Variants in KIF26B observed in about 807,000 individuals in gnomAD.
KIF26B encodes the protein kinesin-like protein KIF26B.
In KIF26B, 63 loss-of-function variants were observed where a neutral mutation model predicts 151.2. That is an observed-to-expected ratio of 0.42 (90% CI 0.34 to 0.51). The LOEUF is 0.51. Ranked by LOEUF, KIF26B falls within the 20% of genes least tolerant of loss-of-function variation. The pLI is 0.07. For missense variants in KIF26B, 2,813 were observed against 2,913.6 expected, an observed-to-expected ratio of 0.97 and a Z score of 0.79; for synonymous variants, 1,357 against 1,262.1, an observed-to-expected ratio of 1.08 and a Z score of -1.59.
chr1:245,603,239 A>T (rs2043416374), intron 6 of KIF26B, among the ~76,000 whole-genome samples: 1 of 152,150 alleles, frequency 6.6e-6, no homozygotes, highest in Admixed American at 6.5e-5. Flanking sequence ...CTGTAGCCCT[A>T]GTAAGGAACC....
intron 2 of KIF26B, among the ~76,000 whole-genome samples, chr1:245,303,012 AAGAAAG>A (rs1558381436): frequency 6.7e-6 from 1 of 149,208 alleles, no homozygotes; most frequent in Non-Finnish European, 1.5e-5. Context: ...AAAAAAAAAA[AAGAAAG>A]AAATGGCAAA....
At chr1:245,627,144 G>C (rs2043732430) in intron 9 of KIF26B, among the ~76,000 whole-genome samples, 1 of 152,128 alleles carries the variant, frequency 6.6e-6, no homozygotes, top group South Asian at 2.1e-4. Flanking sequence ...CTTCCTAGTA[G>C]TGTATTTTGA....
chr1:245,409,791 T>C (rs1437704081), intron 3 of KIF26B, among the ~76,000 whole-genome samples: 1 of 151,908 alleles, frequency 6.6e-6, no homozygotes, highest in East Asian at 1.9e-4. Context: ...GTCTCAGAGG[T>C]GATTTGTGTC....
intron 2 of KIF26B, among the ~76,000 whole-genome samples, chr1:245,280,423 C>G (rs1353923542): frequency 6.8e-6 from 1 of 147,856 alleles, no homozygotes; most frequent in African/African-American, 2.5e-5. Context: ...CCCAGTTGCT[C>G]GGGAGGCTGA....
Position 245,184,946 on chromosome 1 carries a change from C to T in KIF26B, c.465+28263C>T, listed in dbSNP as rs566153331. On this transcript the variant is annotated intron_variant, in intron 2 of 14. Transcript: ENST00000407071. ...AGTCTGCCCAGAGCACTTAATTAGA[C>T]ATTTCTGTGGCTATTTGCAGCCCAG... Among the ~76,000 whole-genome samples, 11 of 152,192 alleles carry T rather than the reference C, an allele frequency of 7.2e-5. No individual in the cohort carries two copies. In the South Asian group the frequency reaches 1.4e-3, roughly 20 times the overall value.
chr1:245,485,238 G>C (rs573302108), intron 4 of KIF26B, among the ~76,000 whole-genome samples: 7 of 152,054 alleles, frequency 4.6e-5, no homozygotes, highest in Non-Finnish European at 7.4e-5. Flanking sequence ...ATATTTAATG[G>C]GTACAGAGCT....
chr1:245,314,043 G>A (rs772023874), intron 2 of KIF26B, among the ~76,000 whole-genome samples: 12 of 152,154 alleles, frequency 7.9e-5, no homozygotes, highest in African/African-American at 1.7e-4. Context: ...CCTCACTCAC[G>A]TCCCTCTTTG....
Position 245,686,956 on chromosome 1 carries a change from A to G in KIF26B, c.3973A>G (p.Thr1325Ala), listed in dbSNP as rs758894232. The G allele has an allele frequency of 6.2e-7, 1 of 1,613,444 alleles. No individual in the cohort carries two copies. ...ASEFVSSLQN[T>A]AVVCREKPKA... The stretch of plus-strand genomic sequence containing the variant: ...GGAGTTTGTCAGCAGCCTCCAGAAC[A>G]CCGCTGTGGTGTGCAGAGAGAAGCC... The change falls in exon 12 of 15, where the codon ACC (threonine) becomes GCC (alanine). Residue 1325 changes from threonine to alanine, a missense_variant. By Grantham distance (58) the Thr-to-Ala change is moderately conservative. This residue lies in a region of KIF26B where 2,060 missense variants were observed against 2,088.6 expected (regional missense o/e 0.99). Transcript: ENST00000407071. This position sits in a 1 kb window ranked among gnomAD's most constrained non-coding sequence, Gnocchi z 5.6.
intron 4 of KIF26B, among the ~76,000 whole-genome samples, chr1:245,507,681 G>C (rs894565018): frequency 3.9e-5 from 6 of 152,164 alleles, no homozygotes; most frequent in African/African-American, 1.4e-4. Context: ...CCCCAGGATT[G>C]CTGGTGAACA....
intron 10 of KIF26B, among the ~76,000 whole-genome samples, chr1:245,658,395 T>C (rs186890005): frequency 6.0e-4 from 92 of 152,266 alleles, no homozygotes; most frequent in Non-Finnish European, 1.1e-3. Flanking sequence ...GTCAATTACA[T>C]TGTGAGTTTT....
At position 245,646,114 on chromosome 1, in the gene KIF26B, G is replaced by T; in HGVS notation, c.2099-7G>T. 1 of 1,613,686 alleles carries T rather than the reference G, an allele frequency of 6.2e-7. No individual in the cohort carries two copies. Among genetic ancestry groups the T allele is most frequent in the Non-Finnish European group, 8.5e-7 (1 of 1,179,714 alleles). Reference sequence around the variant, plus strand: ...CCATTTCTCTTTTATCTTCTCCCCTGTGGTAGTGTCTGGAGGTCGCAGCCG... The same window carrying T: ...CCATTTCTCTTTTATCTTCTCCCCTTTGGTAGTGTCTGGAGGTCGCAGCCG... On this transcript the variant is annotated splice_polypyrimidine_tract_variant and splice_region_variant and intron_variant, in intron 9 of 14. Coordinates refer to ENST00000407071, the MANE Select transcript of KIF26B (RefSeq NM_018012.4).
chr1:245,544,321 A>G (rs12405600), intron 5 of KIF26B, among the ~76,000 whole-genome samples: 20,274 of 152,208 alleles, frequency 0.13, 1,578 homozygotes, highest in East Asian at 0.31. Context: ...CCCAAAAGCA[A>G]GTTGATTGAT....
chr1:245,561,900 T>A (rs567758720), intron 5 of KIF26B, among the ~76,000 whole-genome samples: 1 of 152,190 alleles, frequency 6.6e-6, no homozygotes, highest in Non-Finnish European at 1.5e-5. Flanking sequence ...TCAGAGGTGG[T>A]CCTGCCTCTT....
intron 11 of KIF26B, 89 bp from the exon 12 acceptor site, chr1:245,685,315 CA>C: frequency 9.0e-7 from 1 of 1,114,640 alleles, no homozygotes; most frequent in Non-Finnish European, 1.3e-6. Context: ...CCTGTGTCGT[CA>C]GGGGCCTTCA....
In KIF26B at chr1:245,540,699, A is replaced by G; in HGVS notation, c.1167-68A>G. 7.0e-7 allele frequency: 1 copy of G among 1,431,680 alleles called. No homozygotes were observed. The highest frequency in any genetic ancestry group is 1.1e-5 in the South Asian group (1 of 87,488). 88.7% of individuals were successfully genotyped at this position (1,431,680 alleles called of 1,614,324 possible). On this transcript the variant is annotated intron_variant, in intron 4 of 14. Coordinates refer to ENST00000407071, the MANE Select transcript of KIF26B (RefSeq NM_018012.4). The surrounding 1 kb of genome is among the most constrained non-coding windows in gnomAD (Gnocchi z 4.6). ...AAGAACGAGGGGTTGTTTAAGAGAAAACGAAGTAAGCCTAGCAGATCTGAT... is the reference window on the plus strand; with the variant it reads ...AAGAACGAGGGGTTGTTTAAGAGAAGACGAAGTAAGCCTAGCAGATCTGAT...
At chr1:245,327,687 C>G (rs1379359146) in intron 2 of KIF26B, among the ~76,000 whole-genome samples, 2 of 152,160 alleles carry the variant, frequency 1.3e-5, no homozygotes, top group Non-Finnish European at 2.9e-5. Flanking sequence ...AGTCAAGAAC[C>G]ACTGTTTATA....
chr1:245,605,224 C>T (rs1211251635), intron 6 of KIF26B, among the ~76,000 whole-genome samples: 1 of 151,648 alleles, frequency 6.6e-6, no homozygotes, highest in African/African-American at 2.4e-5. Flanking sequence ...GAGCCAGGAA[C>T]ACAGCAAGTG....
chr1:245,274,165 A>G (rs961883115), intron 2 of KIF26B, among the ~76,000 whole-genome samples: 1 of 152,168 alleles, frequency 6.6e-6, no homozygotes, highest in Non-Finnish European at 1.5e-5. Flanking sequence ...TGATGTCACA[A>G]ATTCATGTTT....
intron 10 of KIF26B, among the ~76,000 whole-genome samples, chr1:245,670,628 A>T (rs113705237): frequency 0.01 from 1,589 of 152,222 alleles, 8 homozygotes; most frequent in Non-Finnish European, 0.014. Flanking sequence ...GAACAACCCA[A>T]TTGTTCATCC....
Sources: gnomAD v4.1 joint callset for allele counts (sites outside exome capture counted in the v4.1 genomes callset) on GRCh38, gnomAD v4.1.1 for gene constraint, gnomAD v4.1.1 regional missense constraint, Gnocchi (gnomAD v3.1) non-coding constraint, MANE v1.5 for transcripts, NCBI Gene and HGNC (gene_info 2026-07-23, HGNC 2026-07-21) for gene names.